Variants in INVS observed in about 807,000 individuals in gnomAD.
INVS encodes the protein inversin, also known as inversion of embryo turning homolog.
INVS carries 86 observed loss-of-function variants against 108.8 expected under a neutral mutation model. The observed-to-expected ratio is 0.79, with a 90% CI of 0.66 to 0.95. The LOEUF is 0.95. Ranked by LOEUF, INVS falls within the 40% of genes least tolerant of loss-of-function variation. INVS has a pLI of 0.00. For missense variants in INVS, 1,169 were observed against 1,297.4 expected, an observed-to-expected ratio of 0.90 and a Z score of 1.52; for synonymous variants, 455 against 473.5, an observed-to-expected ratio of 0.96 and a Z score of 0.51.
intron 3 of INVS, among the ~76,000 whole-genome samples, chr9:100,202,649 A>G (rs1351083102): frequency 1.3e-5 from 2 of 152,060 alleles, no homozygotes; most frequent in Non-Finnish European, 2.9e-5. Flanking sequence ...AGTAGCATTC[A>G]TAGACATTGC....
intron 2 of INVS, among the ~76,000 whole-genome samples, chr9:100,123,569 G>T (rs1158563833): frequency 6.6e-6 from 1 of 152,108 alleles, no homozygotes; most frequent in Non-Finnish European, 1.5e-5. Context: ...TACTGCAATG[G>T]ATATTTGTGT....
At chr9:100,287,908 T>C (rs929043080) in intron 13 of INVS, among the ~76,000 whole-genome samples, 3 of 152,170 alleles carry the variant, frequency 2.0e-5, no homozygotes, top group African/African-American at 7.2e-5. Flanking sequence ...TTTTAAGACA[T>C]GAACTAGATG....
At chr9:100,199,090 G>A (rs1830466664) in intron 3 of INVS, among the ~76,000 whole-genome samples, 1 of 152,140 alleles carries the variant, frequency 6.6e-6, no homozygotes, top group African/African-American at 2.4e-5. Context: ...TAAGGTACTT[G>A]TAGGCTTTTT....
At chr9:100,187,485 CGT>C (rs1830086706) in intron 3 of INVS, among the ~76,000 whole-genome samples, 1 of 143,042 alleles carries the variant, frequency 7.0e-6, no homozygotes, top group Non-Finnish European at 1.5e-5. Flanking sequence ...AGTCAATGAG[CGT>C]GGGATGTGTT....
Position 100,229,674 on chromosome 9 carries a change from T to G in INVS, c.462T>G (p.His154Gln). The G allele has an allele frequency of 6.2e-7, 1 of 1,614,076 alleles. No homozygotes were observed. The highest frequency in any genetic ancestry group is 1.7e-4 in the Middle Eastern group (1 of 6,058). Reference protein sequence around the residue: ...TQDKNKQTALHWSAYYNNPEH... With the variant: ...TQDKNKQTALQWSAYYNNPEH... ...CGATTTTGCAGCAAACAGCTCTGCA[T>G]TGGAGTGCCTACTACAATAACCCTG... The change falls in exon 5 of 17, where the codon CAT becomes CAG. Residue 154 changes from histidine to glutamine, a missense_variant. His to Gln is a conservative substitution (Grantham distance 24). Around this residue, in one of 3 missense-constraint regions of INVS, gnomAD observed 365 missense variants for 397.5 expected, o/e 0.92. Coordinates refer to ENST00000262457, the MANE Select transcript of INVS (RefSeq NM_014425.5).
At chr9:100,172,687 G>A (rs527757662) in intron 3 of INVS, among the ~76,000 whole-genome samples, 4 of 152,310 alleles carry the variant, frequency 2.6e-5, no homozygotes, top group African/African-American at 7.2e-5. Context: ...GGCAGCTATT[G>A]TTAGCACAAG....
At chr9:100,227,602 A>G (rs1047869252) in intron 4 of INVS, among the ~76,000 whole-genome samples, 2 of 152,186 alleles carry the variant, frequency 1.3e-5, no homozygotes, top group Admixed American at 1.3e-4. Context: ...CATTGTCAAA[A>G]TCAAAATGGA....
chr9:100,260,827 T>C (rs528020867), intron 10 of INVS, among the ~76,000 whole-genome samples: 2 of 152,228 alleles, frequency 1.3e-5, no homozygotes, highest in African/African-American at 2.4e-5. Flanking sequence ...ACTTTTTCAC[T>C]ATTATAGGTA....
intron 14 of INVS, 86 bp from the exon 15 acceptor site, chr9:100,296,831 C>T: frequency 9.6e-7 from 1 of 1,046,536 alleles, no homozygotes. Context: ...GCAAATACTA[C>T]TCCTATAGCT....
intron 3 of INVS, among the ~76,000 whole-genome samples, chr9:100,222,154 A>C (rs992328751): frequency 2.0e-5 from 3 of 152,160 alleles, no homozygotes; most frequent in Non-Finnish European, 4.4e-5. Context: ...ATCTTGGGCC[A>C]TTCTTGGTTC....
At position 100,104,562 on chromosome 9, in the gene INVS, T is replaced by A; in HGVS notation, c.41T>A (p.Leu14Ter). The A allele has an allele frequency of 6.2e-7, 1 of 1,614,188 alleles. No individual in the cohort carries two copies. The highest frequency in any genetic ancestry group is 8.5e-7 in the Non-Finnish European group (1 of 1,180,018). Residue 14 changes from leucine to a stop codon, truncating the protein, a stop_gained, in exon 2 of 17, where the codon TTA becomes TAA. Coordinates refer to ENST00000262457, the MANE Select transcript of INVS (RefSeq NM_014425.5). LOFTEE classifies it high-confidence loss of function. ...SENLLFAGSSLASQVHAAAVN... is the reference protein window; with the variant it reads ...SENLLFAGSS ...AACCTGCTGTTTGCTGGTTCATCAT[T>A]AGCATCACAAGTCCATGCTGCTGCC... is the stretch of plus-strand genomic sequence containing the variant.
Position 100,282,201 on chromosome 9 carries a change from T to C in INVS, c.1785-2119T>C, listed in dbSNP as rs950599280. Among the ~76,000 whole-genome samples, 11 of 152,146 alleles carry C rather than the reference T, an allele frequency of 7.2e-5. 1 individual carries two copies. The highest frequency in any genetic ancestry group is 2.0e-4 in the Admixed American group (3 of 15,276). ...AGCCACCCAGATGCTTCCACCTTCTTCTGAAAAGCAGCCTTGTCCCAGAGA... is the reference window on the plus strand; with the variant it reads ...AGCCACCCAGATGCTTCCACCTTCTCCTGAAAAGCAGCCTTGTCCCAGAGA... On this transcript the variant is annotated intron_variant, in intron 12 of 16. Coordinates refer to ENST00000262457, the MANE Select transcript of INVS (RefSeq NM_014425.5).
chr9:100,283,125 A>G (rs1258760921), intron 12 of INVS, among the ~76,000 whole-genome samples: 2 of 152,106 alleles, frequency 1.3e-5, no homozygotes, highest in African/African-American at 4.8e-5. Flanking sequence ...CCTGGGCAAC[A>G]AAGTGAGACC....
chr9:100,148,933 AG>A (rs1192376923), intron 3 of INVS, among the ~76,000 whole-genome samples: 2 of 152,202 alleles, frequency 1.3e-5, no homozygotes, highest in Non-Finnish European at 2.9e-5. Flanking sequence ...ATATTGTTAA[AG>A]TGACAGTAGA....
At chr9:100,150,365 A>T (rs1358211417) in intron 3 of INVS, among the ~76,000 whole-genome samples, 1 of 152,148 alleles carries the variant, frequency 6.6e-6, no homozygotes, top group Non-Finnish European at 1.5e-5. Flanking sequence ...TAGATCAGAG[A>T]TCTCACAAGC....
chr9:100,164,620 A>G (rs910552690), intron 3 of INVS, among the ~76,000 whole-genome samples: 3 of 152,160 alleles, frequency 2.0e-5, no homozygotes, highest in African/African-American at 7.2e-5. Context: ...CATTATATCA[A>G]TATGTATTTC....
chr9:100,138,863 C>T lies in INVS; in HGVS notation c.273+12314C>T, dbSNP rs562400048. Among the ~76,000 whole-genome samples, 145 of 150,452 alleles carry T rather than the reference C, an allele frequency of 9.6e-4. 2 individuals are homozygous for T. The highest frequency in any genetic ancestry group is 7.1e-3 in the Admixed American group (108 of 15,240). On this transcript the variant is annotated intron_variant, in intron 3 of 16. Transcript: ENST00000262457. ...CAGGGATTACAGGGGCCTGCCACCA[C>T]GCCTGGATAATTTTTGTATTTTTAG...
At chr9:100,157,743 C>T (rs1228641044) in intron 3 of INVS, among the ~76,000 whole-genome samples, 1 of 152,140 alleles carries the variant, frequency 6.6e-6, no homozygotes, top group African/African-American at 2.4e-5. Context: ...TCAATGGTGA[C>T]AATTCCTTGC....
intron 10 of INVS, among the ~76,000 whole-genome samples, chr9:100,259,663 G>C (rs1294224069): frequency 6.7e-6 from 1 of 150,100 alleles, no homozygotes; most frequent in Non-Finnish European, 1.5e-5. Flanking sequence ...TCAGCCTCCT[G>C]AGTAGCTGAG....
Sources: allele counts gnomAD v4.1 joint callset (sites outside exome capture counted in the v4.1 genomes callset), GRCh38; gene constraint gnomAD v4.1.1; regional missense constraint gnomAD v4.1.1; transcripts MANE v1.5; gene names NCBI Gene and HGNC (gene_info 2026-07-23, HGNC 2026-07-21).